MRC1: variants seen among roughly 807,000 people sequenced by gnomAD.
MRC1 encodes macrophage mannose receptor 1.
MRC1 carries 62 observed loss-of-function variants against 102.9 expected under a neutral mutation model. That is an observed-to-expected ratio of 0.60 (90% CI 0.49 to 0.74). The LOEUF (loss-of-function observed/expected upper bound fraction) is 0.74. Ranked by LOEUF, MRC1 falls within the 30% of genes least tolerant of loss-of-function variation. The pLI is 0.00. For synonymous variants in MRC1, 457 were observed against 298.4 expected, an observed-to-expected ratio of 1.53 and a Z score of -5.48; for missense variants, 1,237 against 862.8, an observed-to-expected ratio of 1.43 and a Z score of -5.43.
intron 22 of MRC1, among the ~76,000 whole-genome samples, chr10:17,893,816 T>C (rs2130708806): frequency 6.6e-6 from 1 of 152,362 alleles, no homozygotes; most frequent in South Asian, 2.1e-4. Context: ...ATATAGATCA[T>C]GCTCATTTCC....
intron 28 of MRC1, among the ~76,000 whole-genome samples, chr10:17,908,672 C>T (rs929924637): frequency 2.0e-5 from 3 of 148,206 alleles, no homozygotes; most frequent in African/African-American, 7.5e-5. Flanking sequence ...GGGTTCAAGC[C>T]ATTCTCCTGC....
chr10:17,896,764 C>CTAAAA (rs1306569894), intron 23 of MRC1, among the ~76,000 whole-genome samples: 49 of 151,826 alleles, frequency 3.2e-4, no homozygotes, highest in African/African-American at 9.9e-4. Context: ...GACCCTGACT[C>CTAAAA]TAAAATAAAA....
chr10:17,902,330 G>GA (rs1833839670), intron 26 of MRC1, among the ~76,000 whole-genome samples: 4 of 152,162 alleles, frequency 2.6e-5, no homozygotes, highest in Non-Finnish European at 5.9e-5. Flanking sequence ...AATTCGGGTA[G>GA]AAAACAGCGT....
chr10:17,902,295 G>T (rs1486780639), intron 26 of MRC1, among the ~76,000 whole-genome samples, 173 bp downstream of exon 26: 1 of 152,148 alleles, frequency 6.6e-6, no homozygotes, highest in Non-Finnish European at 1.5e-5. Context: ...TAAGTTTGTA[G>T]CCTCAAATTT....
In MRC1 at chr10:17,870,943, AT is replaced by A. The variant is rs1462929671; in HGVS notation, c.2199+12del. ...TGGAGTGATGGTTCTCCTGTGAGTA[AT>A]TTTACTTACTATATAACTTTCTTAC... is the stretch of plus-strand genomic sequence containing the variant. On this transcript the variant is annotated intron_variant, in intron 14 of 29. Coordinates refer to ENST00000569591, the MANE Select transcript of MRC1 (RefSeq NM_002438.4). 2 of 871,322 alleles carry A rather than the reference AT, an allele frequency of 2.3e-6. No individual in the cohort carries two copies. The highest frequency in any genetic ancestry group is 4.0e-6 in the Non-Finnish European group (2 of 500,578). The allele number at this position is 871,322 out of a possible 1,614,324, so 54.0% of individuals were successfully genotyped here. A position where few individuals can be genotyped will look rare whatever the true frequency, so the allele number is the denominator to read the frequency against.
chr10:17,827,748 C>A, intron 3 of MRC1, 33 bp downstream of exon 3: 1 of 780,220 alleles, frequency 1.3e-6, no homozygotes, highest in South Asian at 1.3e-5. Context: ...AAAAGTTGGG[C>A]ACATTTAGTC....
At position 17,879,786 on chromosome 10, in the gene MRC1, A is replaced by T. The variant is rs1260583382; in HGVS notation, c.2684A>T (p.Glu895Val). ...ACAGGTGAACCCAATTTTGCAAATG[A>T]AGATGAAAACTGTGTGACCATGTAT... is the stretch of plus-strand genomic sequence containing the variant. ...WATGEPNFAN[E>V]DENCVTMYSN... Residue 895 changes from glutamate to valine, a missense_variant, in exon 19 of 30, where the codon GAA becomes GTA. Coordinates refer to ENST00000569591, the MANE Select transcript of MRC1 (RefSeq NM_002438.4). 1 of 780,770 alleles carries T rather than the reference A, an allele frequency of 1.3e-6. No individual in the cohort carries two copies. Among genetic ancestry groups the T allele is most frequent in the Non-Finnish European group, 2.4e-6 (1 of 417,968 alleles). 48.4% of individuals were successfully genotyped at this position (780,770 alleles called of 1,614,324 possible).
intron 5 of MRC1, among the ~76,000 whole-genome samples, chr10:17,841,520 T>C (rs1239924797): frequency 6.6e-6 from 1 of 152,198 alleles, no homozygotes. Context: ...CTAATTTTTT[T>C]AGAGGATAGA....
chr10:17,894,271 C>T lies in MRC1; in HGVS notation c.3209C>T (p.Thr1070Ile), dbSNP rs1320614803. ...GAAGCAGGAAAATGGATGGATGATA[C>T]CTGCGACAGTAAACGAGGCTACATA... ...SNEAGKWMDD[T>I]CDSKRGYICQ... The change falls in exon 23 of 30, where the codon ACC becomes ATC. Residue 1070 changes from threonine to isoleucine, a missense_variant. Transcript: ENST00000569591. 2 of 872,248 alleles carry T rather than the reference C, an allele frequency of 2.3e-6. No individual in the cohort carries two copies. Among genetic ancestry groups the T allele is most frequent in the Non-Finnish European group, 4.0e-6 (2 of 501,476 alleles). The allele number at this position is 872,248 out of a possible 1,614,324, so 54.0% of individuals were successfully genotyped here. A position where few individuals can be genotyped will look rare whatever the true frequency, so the allele number is the denominator to read the frequency against.
intron 4 of MRC1, among the ~76,000 whole-genome samples, chr10:17,837,830 AG>A (rs1185774769): frequency 2.6e-5 from 4 of 151,930 alleles, no homozygotes; most frequent in Non-Finnish European, 4.4e-5. Context: ...TGAACTCCTG[AG>A]CTCAGCTGAT....
intron 3 of MRC1, among the ~76,000 whole-genome samples, chr10:17,833,396 C>T (rs1224809476): frequency 6.6e-6 from 1 of 151,596 alleles, no homozygotes; most frequent in Non-Finnish European, 1.5e-5. Flanking sequence ...TGGTGCATGC[C>T]TGGAGTCCCA....
In MRC1 at chr10:17,853,171, A is replaced by G; in HGVS notation, c.1407+47A>G. 6.4e-6 allele frequency: 5 copies of G among 778,668 alleles called. No individual in the cohort carries two copies. In the Admixed American group the frequency reaches 8.5e-5, roughly 13 times the overall value. 48.2% of individuals were successfully genotyped at this position (778,668 alleles called of 1,614,324 possible). ...ATATTTATAATGAAAGTCACGGGGGATTTTTCCTTCTGTCCCAGTCAGTTA... is the reference window on the plus strand; with the variant it reads ...ATATTTATAATGAAAGTCACGGGGGGTTTTTCCTTCTGTCCCAGTCAGTTA... On this transcript the variant is annotated intron_variant, in intron 8 of 29. Coordinates refer to ENST00000569591, the MANE Select transcript of MRC1 (RefSeq NM_002438.4).
chr10:17,878,146 T>C (rs1833462618), intron 18 of MRC1, among the ~76,000 whole-genome samples, 179 bp downstream of exon 18: 1 of 152,236 alleles, frequency 6.6e-6, no homozygotes, highest in Admixed American at 6.5e-5. Flanking sequence ...TTCAGCACTA[T>C]AAATTCCAAA....
chr10:17,823,270 C>T lies in MRC1; in HGVS notation c.258C>T (p.Ile86=), dbSNP rs781812289. The T allele has an allele frequency of 1.3e-6, 1 of 780,606 alleles. No homozygotes were observed. 48.4% of individuals were successfully genotyped at this position (780,606 alleles called of 1,614,324 possible). A position where few individuals can be genotyped will look rare whatever the true frequency, so the allele number is the denominator to read the frequency against. Residue 86 remains isoleucine (I), a synonymous_variant, in exon 2 of 30, where the codon ATC becomes ATT. Coordinates refer to ENST00000569591, the MANE Select transcript of MRC1 (RefSeq NM_002438.4). ...CATCAAAAACGGACTGGGTTGCTAT[C>T]ACTCTCTATGCCTGTGACTCAAAAA... ...GVPSKTDWVA[I]TLYACDSKSE... is the part of the protein sequence containing the mutation.
At chr10:17,905,040 A>G (rs1369446780) in intron 26 of MRC1, among the ~76,000 whole-genome samples, 2 of 152,354 alleles carry the variant, frequency 1.3e-5, no homozygotes, top group South Asian at 2.1e-4. Context: ...TGAGCTCTGA[A>G]TCAGGTCAAA....
chr10:17,875,219 A>G lies in MRC1; in HGVS notation c.2516A>G (p.Gln839Arg). ...KRNFGDLVSI[Q>R]SESEKKFLWK... ...AATTTTGGTGATCTTGTTTCTATTC[A>G]AAGTGAAAGTGAAAAGAAGTTTCTA... The change falls in exon 17 of 30, where the codon CAA becomes CGA. Residue 839 changes from glutamine to arginine, a missense_variant. Transcript: ENST00000569591. 1.3e-6 allele frequency: 1 copy of G among 780,832 alleles called. No homozygotes were observed. Among genetic ancestry groups the G allele is most frequent in the Non-Finnish European group, 2.4e-6 (1 of 417,938 alleles). The allele number at this position is 780,832 out of a possible 1,614,324, so 48.4% of individuals were successfully genotyped here. A position where few individuals can be genotyped will look rare whatever the true frequency, so the allele number is the denominator to read the frequency against.
At chr10:17,856,391 G>A (rs1300308684) in intron 9 of MRC1, 39 bp downstream of exon 9, 27 of 819,190 alleles carry the variant, frequency 3.3e-5, no homozygotes, top group Middle Eastern at 2.2e-4. Flanking sequence ...AGCTGAGCAC[G>A]TATGAGTTGA....
In MRC1 at chr10:17,907,568, C is replaced by A. The variant is rs782435348; in HGVS notation, c.3948C>A (p.Ser1316=). The part of the protein sequence containing the change: ...TWLWINNSPV[S]FVNWNTGDPS... ...TGTGGATAAATAACAGTCCGGTCTCCTTTGTCAACTGGAACACAGGAGATC... is the reference window on the plus strand; with the variant it reads ...TGTGGATAAATAACAGTCCGGTCTCATTTGTCAACTGGAACACAGGAGATC... Residue 1316 remains serine (S), a synonymous_variant, in exon 28 of 30, where the codon TCC becomes TCA. Transcript: ENST00000569591. 1 of 780,858 alleles carries A rather than the reference C, an allele frequency of 1.3e-6. No individual in the cohort carries two copies. Among genetic ancestry groups the A allele is most frequent in the South Asian group, 1.3e-5 (1 of 74,614 alleles). 48.4% of individuals were successfully genotyped at this position (780,858 alleles called of 1,614,324 possible).
rs1182864449 is a variant in MRC1 at position 17,907,576 on chromosome 10, A to G, written c.3956A>G (p.Asn1319Ser). 3 of 780,780 alleles carry G rather than the reference A, an allele frequency of 3.8e-6. No homozygotes were observed. Among genetic ancestry groups the G allele is most frequent in the South Asian group, 1.3e-5 (1 of 74,620 alleles). 48.4% of individuals were successfully genotyped at this position (780,780 alleles called of 1,614,324 possible). A position where few individuals can be genotyped will look rare whatever the true frequency, so the allele number is the denominator to read the frequency against. The stretch of plus-strand genomic sequence containing the variant: ...AATAACAGTCCGGTCTCCTTTGTCA[A>G]CTGGAACACAGGAGATCCCTCTGGT... ...WINNSPVSFVNWNTGDPSGER... is the reference protein window; with the variant it reads ...WINNSPVSFVSWNTGDPSGER... The change falls in exon 28 of 30, where the codon AAC becomes AGC. Residue 1319 changes from asparagine (N) to serine (S), a missense_variant. By Grantham distance (46) the Asn-to-Ser change is conservative (BLOSUM62 1). Transcript: ENST00000569591.
Sources: gnomAD v4.1 joint callset for allele counts (sites outside exome capture counted in the v4.1 genomes callset) on GRCh38, gnomAD v4.1.1 for gene constraint, MANE v1.5 for transcripts, NCBI Gene and HGNC (gene_info 2026-07-23, HGNC 2026-07-21) for gene names.